Variants in BDP1 observed in about 807,000 individuals in gnomAD.
BDP1 encodes the protein transcription factor TFIIIB component B'' homolog.
In BDP1, 169 loss-of-function variants were observed where a neutral mutation model predicts 266.6. The observed-to-expected ratio is 0.63, with a 90% confidence interval of 0.56 to 0.72. BDP1 has a LOEUF of 0.72. BDP1 is among the 30% of genes least tolerant of loss of function. The probability of loss-of-function intolerance (pLI) is 0.00; values close to 1 mark genes in which losing one functional copy is unlikely to be tolerated. For missense variants in BDP1, 3,015 were observed against 3,053.8 expected (o/e 0.99, Z 0.30); for synonymous variants, 1,090 against 1,022.4 (o/e 1.07, Z -1.26).
At chr5:71,492,336 A>G (rs1763645569) in intron 11 of BDP1, among the ~76,000 whole-genome samples, 1 of 152,180 alleles carries the variant, frequency 6.6e-6, no homozygotes, top group African/African-American at 2.4e-5. Context: ...AATAGCGGGT[A>G]CACCATTTTA....
At chr5:71,525,650 C>T (rs1370703613) in intron 25 of BDP1, among the ~76,000 whole-genome samples, 2 of 129,822 alleles carry the variant, frequency 1.5e-5, no homozygotes, top group African/African-American at 5.6e-5. Context: ...GACCCCCCCA[C>T]CTCCCTTCCG....
At position 71,535,527 on chromosome 5, in the gene BDP1, G is replaced by A. The variant is rs552666541; in HGVS notation, c.5892+3100G>A. ...GCCTAAAATAAAAAAATTTTAAGTC[G>A]GGTACTCTTTGCACCACAAACTTGA... On this transcript the variant is annotated intron_variant, in intron 26 of 38. Transcript: ENST00000358731. Among the ~76,000 whole-genome samples the A allele has an allele frequency of 4.6e-5, 7 of 152,164 alleles. No homozygotes were observed. In the South Asian group the frequency reaches 6.2e-4, roughly 14 times the overall value.
At chr5:71,522,220 T>G in intron 22 of BDP1, 69 bp from the exon 23 acceptor site, 1 of 1,203,716 alleles carries the variant, frequency 8.3e-7, no homozygotes, top group Non-Finnish European at 1.2e-6. Context: ...AATTGTTTGA[T>G]GTAACAGCTG....
intron 2 of BDP1, among the ~76,000 whole-genome samples, chr5:71,459,367 C>G (rs1192220389): frequency 1.3e-5 from 2 of 152,142 alleles, no homozygotes; most frequent in Non-Finnish European, 2.9e-5. Context: ...CAAAAATTAG[C>G]TGGGCCTGGT....
chr5:71,479,398 A>G (rs1385195092), intron 7 of BDP1, among the ~76,000 whole-genome samples: 3 of 151,950 alleles, frequency 2.0e-5, no homozygotes, highest in African/African-American at 7.3e-5. Context: ...CCATCTCTTC[A>G]CTATACTTTC....
intron 22 of BDP1, 102 bp downstream of exon 22, chr5:71,517,554 G>T: frequency 9.7e-7 from 1 of 1,031,350 alleles, no homozygotes; most frequent in East Asian, 2.6e-5. Flanking sequence ...TCCTGAAAAT[G>T]TTAAAAGGAT....
At chr5:71,546,485 G>T (rs1216704004) in intron 32 of BDP1, among the ~76,000 whole-genome samples, 2 of 151,846 alleles carry the variant, frequency 1.3e-5, no homozygotes, top group African/African-American at 4.8e-5. Flanking sequence ...AGTCGTGGTG[G>T]CATGCACCTG....
chr5:71,504,252 G>T (rs932305067), intron 15 of BDP1, among the ~76,000 whole-genome samples: 9 of 140,712 alleles, frequency 6.4e-5, no homozygotes, highest in African/African-American at 2.1e-4. Flanking sequence ...CAGCCTGGGC[G>T]ACCGAGCAAG....
intron 25 of BDP1, among the ~76,000 whole-genome samples, chr5:71,525,115 T>G (rs1765721947): frequency 6.6e-6 from 1 of 152,106 alleles, no homozygotes; most frequent in Non-Finnish European, 1.5e-5. Context: ...AAAACCGCCA[T>G]TGTCATCATG....
intron 13 of BDP1, among the ~76,000 whole-genome samples, chr5:71,498,377 T>C (rs1764021734): frequency 1.3e-5 from 2 of 152,204 alleles, no homozygotes; most frequent in Admixed American, 6.6e-5. Flanking sequence ...GTTATAGGCA[T>C]GAGCCAGCTC....
downstream of BDP1, among the ~76,000 whole-genome samples, chr5:71,569,842 A>AC (rs1378593530): frequency 6.6e-6 from 1 of 152,214 alleles, no homozygotes; most frequent in African/African-American, 2.4e-5. Context: ...AAGGTGTAAC[A>AC]CCAACACCAA....
At chr5:71,574,382 C>T in the BDP1 span, among the ~76,000 whole-genome samples, 1 of 152,210 alleles carries the variant, frequency 6.6e-6, no homozygotes, top group Non-Finnish European at 1.5e-5. Context: ...CGAGACGGGG[C>T]CTGGCCCTGG....
In BDP1 at chr5:71,504,272, CA is replaced by C. The variant is rs35372314; in HGVS notation, c.2242-334del. The stretch of plus-strand genomic sequence containing the variant: ...TGGGCGACCGAGCAAGACTCCGTCT[CA>C]AAAAAAAAAAAAAAGAAAAAAAAAT... On this transcript the variant is annotated intron_variant, in intron 15 of 38. Transcript: ENST00000358731. Among the ~76,000 whole-genome samples the C allele has an allele frequency of 1.6e-3, 183 of 112,034 alleles. 1 individual carries two copies. The highest frequency in any genetic ancestry group is 8.8e-3 in the Middle Eastern group (2 of 226). The allele number at this position is 112,034 out of a possible 152,430, so 73.5% of individuals were successfully genotyped here.
intron 23 of BDP1, 31 bp downstream of exon 23, chr5:71,522,521 T>A: frequency 7.1e-7 from 1 of 1,418,180 alleles, no homozygotes; most frequent in Non-Finnish European, 9.7e-7. Flanking sequence ...AAAAAAAATT[T>A]TTTTTCTCAA....
chr5:71,544,595 T>C, intron 31 of BDP1, 88 bp downstream of exon 31: 2 of 1,453,910 alleles, frequency 1.4e-6, no homozygotes. Flanking sequence ...AAAAAGAAGT[T>C]CTGGCCGGGC....
At chr5:71,575,072 A>G in the BDP1 span, among the ~76,000 whole-genome samples, 1 of 152,228 alleles carries the variant, frequency 6.6e-6, no homozygotes, top group African/African-American at 2.4e-5. Context: ...ACAGTCTTGT[A>G]CTTTTCAGCC....
intron 35 of BDP1, among the ~76,000 whole-genome samples, chr5:71,555,679 T>C (rs1272777400): frequency 6.6e-6 from 1 of 152,106 alleles, no homozygotes; most frequent in African/African-American, 2.4e-5. Flanking sequence ...CCTCAGATGA[T>C]CCGCCTGCCT....
chr5:71,464,959 G>C lies in BDP1; in HGVS notation c.659+842G>C, dbSNP rs547516545. Among the ~76,000 whole-genome samples the C allele has an allele frequency of 2.0e-4, 30 of 151,540 alleles. 1 individual carries two copies. In the South Asian group the frequency reaches 4.0e-3, roughly 20 times the overall value. On this transcript the variant is annotated intron_variant, in intron 4 of 38. Coordinates refer to ENST00000358731, the MANE Select transcript of BDP1 (RefSeq NM_018429.3). ...GTCTCCATCTCTTGACCTCGTGATCGGCCCGCCTCGGCCTCCCAAAGTGCT... is the reference window on the plus strand; with the variant it reads ...GTCTCCATCTCTTGACCTCGTGATCCGCCCGCCTCGGCCTCCCAAAGTGCT...
downstream of BDP1, among the ~76,000 whole-genome samples, chr5:71,570,332 A>G (rs1183387962): frequency 6.6e-6 from 1 of 152,168 alleles, no homozygotes; most frequent in East Asian, 1.9e-4. Flanking sequence ...TTGGGGGAAG[A>G]TTTATGGTAT....
Sources: allele counts gnomAD v4.1 joint callset (sites outside exome capture counted in the v4.1 genomes callset), GRCh38; gene constraint gnomAD v4.1.1; transcripts MANE v1.5; gene names NCBI Gene and HGNC (gene_info 2026-07-23, HGNC 2026-07-21).